The following EML5 variants were observed in gnomAD, a reference collection of about 807,000 sequenced individuals.
EML5 encodes echinoderm microtubule-associated protein-like 5.
A neutral mutation model predicts 250.0 loss-of-function variants in EML5; 120 were observed. The observed-to-expected ratio is 0.48, with a 90% CI of 0.41 to 0.56. The LOEUF is 0.56. Ranked by LOEUF, EML5 falls within the 20% of genes least tolerant of loss-of-function variation. The pLI, the probability that EML5 is intolerant of heterozygous loss-of-function variation, is 0.00. For synonymous variants in EML5, 771 were observed against 806.5 expected, an observed-to-expected ratio of 0.96 and a Z score of 0.75; for missense variants, 2,006 against 2,437.6, an observed-to-expected ratio of 0.82 and a Z score of 3.73.
chr14:88,655,261 T>C (rs1002830323), intron 27 of EML5, among the ~76,000 whole-genome samples: 1 of 152,152 alleles, frequency 6.6e-6, no homozygotes, highest in African/African-American at 2.4e-5. Context: ...AACAGCATGG[T>C]ACTGGTACCA....
At chr14:88,684,563 C>T (rs1188409887) in intron 20 of EML5, among the ~76,000 whole-genome samples, 1 of 151,304 alleles carries the variant, frequency 6.6e-6, no homozygotes, top group Non-Finnish European at 1.5e-5. Flanking sequence ...TTAAGAATGG[C>T]CTAATGAAGA....
Position 88,620,934 on chromosome 14 carries a change from T to TAAAAA in EML5, c.5203-13_5203-9dup, listed in dbSNP as rs35953031. The TAAAAA allele has an allele frequency of 9.5e-6, 13 of 1,372,424 alleles. No individual in the cohort carries two copies. The African/African-American group carries it at 1.4e-4, about 15-fold the overall frequency. 85.0% of individuals were successfully genotyped at this position (1,372,424 alleles called of 1,614,324 possible). A position where few individuals can be genotyped will look rare whatever the true frequency, so the allele number is the denominator to read the frequency against. On this transcript the variant is annotated splice_polypyrimidine_tract_variant and intron_variant, in intron 38 of 43. Transcript: ENST00000554922. The surrounding 1 kb of genome is among the most constrained non-coding windows in gnomAD (Gnocchi z 4.3). The stretch of plus-strand genomic sequence containing the variant: ...CACTTTGTTTAACATCTTCTGCATT[T>TAAAAA]AAAAAAAAAAAAAAAAAGAGTCATA...
chr14:88,724,273 C>CA (rs1158845753), intron 8 of EML5, among the ~76,000 whole-genome samples: 956 of 80,568 alleles, frequency 0.012, 17 homozygotes, highest in African/African-American at 0.024. Flanking sequence ...GACTCCATAT[C>CA]AAAAAAAAAA....
intron 3 of EML5, among the ~76,000 whole-genome samples, chr14:88,745,002 A>G (rs2093982613): frequency 6.6e-6 from 1 of 152,146 alleles, no homozygotes; most frequent in African/African-American, 2.4e-5. Context: ...TTCAACCACA[A>G]TAATACTTTC....
intron 1 of EML5, among the ~76,000 whole-genome samples, chr14:88,778,952 G>C (rs2094471845): frequency 6.6e-6 from 1 of 152,174 alleles, no homozygotes; most frequent in African/African-American, 2.4e-5. Context: ...TCTTTCAAAT[G>C]AGTTAGGAGC....
intron 21 of EML5, among the ~76,000 whole-genome samples, chr14:88,672,829 C>T (rs563679163): frequency 6.6e-5 from 10 of 152,200 alleles, no homozygotes; most frequent in East Asian, 1.9e-4. Context: ...TCTCCAAAGA[C>T]GGAACCAGGA....
At chr14:88,679,042 C>T (rs1595490081) in intron 21 of EML5, among the ~76,000 whole-genome samples, 1 of 151,834 alleles carries the variant, frequency 6.6e-6, no homozygotes, top group East Asian at 1.9e-4. Flanking sequence ...TTTATAGGTA[C>T]ATCACTCCAA....
intron 23 of EML5, among the ~76,000 whole-genome samples, chr14:88,663,834 C>T (rs116022305): frequency 3.9e-5 from 6 of 151,972 alleles, no homozygotes; most frequent in African/African-American, 1.4e-4. Context: ...CATACCTGGC[C>T]AACATTTCTA....
intron 28 of EML5, 97 bp downstream of exon 28, chr14:88,649,815 T>C: frequency 2.0e-6 from 2 of 1,005,826 alleles, no homozygotes; most frequent in Middle Eastern, 3.2e-4. Context: ...CAAATGTAGT[T>C]AAATGTTTTA....
chr14:88,773,448 C>A (rs561923319), intron 1 of EML5, among the ~76,000 whole-genome samples: 1 of 152,132 alleles, frequency 6.6e-6, no homozygotes, highest in African/African-American at 2.4e-5. Context: ...CAGTACTTAC[C>A]CACATTGTCA....
intron 29 of EML5, chr14:88,644,868 A>G (rs1454747363): frequency 1.2e-5 from 2 of 163,354 alleles, no homozygotes; most frequent in Non-Finnish European, 1.3e-5. Context: ...GTGCCACCAC[A>G]CCAGATAATT....
intron 32 of EML5, among the ~76,000 whole-genome samples, chr14:88,635,258 T>C (rs1221617722): frequency 6.6e-6 from 1 of 152,192 alleles, no homozygotes; most frequent in African/African-American, 2.4e-5. Flanking sequence ...AACATATTGA[T>C]AACATAGGAC....
chr14:88,701,415 G>T (rs373016992), intron 14 of EML5, among the ~76,000 whole-genome samples: 25 of 152,182 alleles, frequency 1.6e-4, no homozygotes, highest in Admixed American at 1.2e-3. Context: ...AACTCAGAAT[G>T]TGAGTTTTCA....
At chr14:88,626,764 C>T in intron 35 of EML5, 74 bp downstream of exon 35, 1 of 1,435,510 alleles carries the variant, frequency 7.0e-7, no homozygotes, top group Non-Finnish European at 9.6e-7. Context: ...CAACAACATT[C>T]ATGTGGCTGA....
At chr14:88,618,189 C>CA (rs756881175) in intron 41 of EML5, 39 bp downstream of exon 41, 2 of 1,571,794 alleles carry the variant, frequency 1.3e-6, no homozygotes, top group Admixed American at 3.4e-5. Flanking sequence ...AACTGGCCTT[C>CA]AAAGTCAGTT....
intron 30 of EML5, among the ~76,000 whole-genome samples, chr14:88,643,838 C>G (rs1478744034): frequency 6.6e-6 from 1 of 152,134 alleles, no homozygotes; most frequent in Non-Finnish European, 1.5e-5. Context: ...CTTTGTAGGA[C>G]TAGGTTGGGG....
chr14:88,706,726 G>C (rs537381931), intron 10 of EML5, among the ~76,000 whole-genome samples: 20 of 152,098 alleles, frequency 1.3e-4, no homozygotes, highest in Non-Finnish European at 2.8e-4. Flanking sequence ...GAGGCCTTTG[G>C]GCTTAAGTGA....
At chr14:88,717,390 G>C (rs988473643) in intron 8 of EML5, among the ~76,000 whole-genome samples, 13 of 152,144 alleles carry the variant, frequency 8.5e-5, no homozygotes, top group South Asian at 2.1e-4. Context: ...GTCTTATTAA[G>C]ATTTTTGGCC....
rs772914110 is a variant in EML5 at position 88,661,750 on chromosome 14, A to T, written c.3579T>A (p.Val1193=). The T allele has an allele frequency of 6.2e-7, 1 of 1,613,736 alleles. No homozygotes were observed. The highest frequency in any genetic ancestry group is 2.2e-5 in the East Asian group (1 of 44,834). The part of the protein sequence containing the change: ...CEGIWPVIGE[V]TDVTASCLTS... ...TGAGGCAAGAAGCAGTTACATCTGT[A>T]ACTTCTCCAATTACTGGCCAAATTC... The change falls in exon 25 of 44, where the codon GTT becomes GTA. Residue 1193 remains valine (V), a synonymous_variant. Coordinates refer to ENST00000554922, the MANE Select transcript of EML5 (RefSeq NM_183387.3).
Sources: allele counts gnomAD v4.1 joint callset (sites outside exome capture counted in the v4.1 genomes callset), GRCh38; gene constraint gnomAD v4.1.1; non-coding constraint Gnocchi (gnomAD v3.1); transcripts MANE v1.5; gene names NCBI Gene and HGNC (gene_info 2026-07-23, HGNC 2026-07-21).